The following DISP1 variants were observed in gnomAD, a reference collection of about 807,000 sequenced individuals.
DISP1 encodes the protein dispatched RND transporter family member 1.
Under a neutral mutation model 37.3 loss-of-function variants are expected in DISP1, and 30 were observed. That is an observed-to-expected ratio of 0.80 (90% CI 0.60 to 1.09). The LOEUF (loss-of-function observed/expected upper bound fraction) is 1.09, where lower values mean the gene tolerates loss of function less well. DISP1 is among the 50% of genes least tolerant of loss of function. DISP1 has a pLI of 0.00. For missense variants in DISP1, 1,598 were observed against 1,879.5 expected, an observed-to-expected ratio of 0.85 and a Z score of 2.77; for synonymous variants, 634 against 690.2, an observed-to-expected ratio of 0.92 and a Z score of 1.28.
chr1:222,875,830 TAAAA>T (rs3028391), intron 1 of DISP1, among the ~76,000 whole-genome samples: 11 of 132,406 alleles, frequency 8.3e-5, no homozygotes, highest in Non-Finnish European at 1.1e-4. Flanking sequence ...CACATCTCAA[TAAAA>T]AAAAAAAAAA....
intron 1 of DISP1, among the ~76,000 whole-genome samples, chr1:222,894,517 T>G (rs558222024): frequency 5.1e-4 from 78 of 152,352 alleles, no homozygotes; most frequent in African/African-American, 1.8e-3. Flanking sequence ...GCTTCAACTT[T>G]GCTCCCAAAT....
At chr1:222,976,742 T>C (rs973012737) in intron 3 of DISP1, among the ~76,000 whole-genome samples, 4 of 152,066 alleles carry the variant, frequency 2.6e-5, no homozygotes, top group Non-Finnish European at 5.9e-5. Context: ...AGAGAGAGGG[T>C]TTACATTTGT....
chr1:222,918,258 CAG>C (rs1169644659), intron 1 of DISP1, among the ~76,000 whole-genome samples: 2 of 152,146 alleles, frequency 1.3e-5, no homozygotes, highest in Non-Finnish European at 2.9e-5. Flanking sequence ...ATTTCCCAGT[CAG>C]AGAACTGGTT....
At chr1:222,914,938 GC>G (rs1302628736) in intron 1 of DISP1, among the ~76,000 whole-genome samples, 3 of 152,158 alleles carry the variant, frequency 2.0e-5, no homozygotes, top group African/African-American at 7.2e-5. Flanking sequence ...CTGCAGTCCA[GC>G]TTGGTTGTCA....
intron 1 of DISP1, chr1:222,837,458 A>G (rs1667307114): frequency 6.0e-6 from 1 of 165,862 alleles, no homozygotes; most frequent in Non-Finnish European, 1.3e-5. Context: ...ACACTACCTT[A>G]AAGAGTTGTG....
Position 223,005,230 on chromosome 1 carries a change from A to T in DISP1, c.3833A>T (p.Lys1278Ile), listed in dbSNP as rs779881634. ...AGATGTAGCTGCCCAGATGCCTACA[A>T]ACACTTGAACTATGGCCCACACTCT... ...NQRCSCPDAY[K>I]HLNYGPHSCQ... is the part of the protein sequence containing the mutation. The change falls in exon 9 of 9, where the codon AAA becomes ATA. Residue 1278 changes from lysine (K) to isoleucine (I), a missense_variant. Lys to Ile is a moderately radical substitution (Grantham distance 102, BLOSUM62 -3). Coordinates refer to ENST00000675850, the MANE Select transcript of DISP1 (RefSeq NM_001377229.1). The T allele has an allele frequency of 1.9e-6, 3 of 1,613,990 alleles. No homozygotes were observed. In the African/African-American group the frequency reaches 4.0e-5, roughly 22 times the overall value.
intron 1 of DISP1, among the ~76,000 whole-genome samples, chr1:222,872,733 A>G (rs1286925701): frequency 6.6e-6 from 1 of 152,102 alleles, no homozygotes; most frequent in Admixed American, 6.5e-5. Flanking sequence ...CAGCTCCTGG[A>G]TTCACTGATT....
At chr1:222,949,616 T>C (rs1331107933) in intron 3 of DISP1, among the ~76,000 whole-genome samples, 1 of 152,118 alleles carries the variant, frequency 6.6e-6, no homozygotes, top group African/African-American at 2.4e-5. Flanking sequence ...AATTTTATTT[T>C]ATCTTATTTT....
intron 3 of DISP1, among the ~76,000 whole-genome samples, chr1:222,972,212 T>C (rs1329908978): frequency 6.6e-6 from 1 of 152,132 alleles, no homozygotes; most frequent in Non-Finnish European, 1.5e-5. Flanking sequence ...AATTATTTTC[T>C]TATAATGTCA....
intron 3 of DISP1, among the ~76,000 whole-genome samples, chr1:222,944,915 A>G (rs1572581043): frequency 6.6e-6 from 1 of 152,102 alleles, no homozygotes; most frequent in Non-Finnish European, 1.5e-5. Context: ...GGCTGCGGGG[A>G]TTACAGAATC....
intron 3 of DISP1, 31 bp downstream of exon 3, chr1:222,943,363 T>C (rs1248672777): frequency 6.2e-7 from 1 of 1,614,078 alleles, no homozygotes; most frequent in Non-Finnish European, 8.5e-7. Flanking sequence ...GCTTTTAGCA[T>C]TCAACTAATG....
intron 1 of DISP1, among the ~76,000 whole-genome samples, chr1:222,831,480 A>G (rs1665729597): frequency 1.3e-5 from 2 of 152,192 alleles, no homozygotes; most frequent in South Asian, 4.1e-4. Context: ...CTTATTTCTT[A>G]TAGAATAAGG....
At chr1:222,886,109 T>G (rs1461138413) in intron 1 of DISP1, among the ~76,000 whole-genome samples, 2 of 152,170 alleles carry the variant, frequency 1.3e-5, no homozygotes. Context: ...GACAAGGGGA[T>G]GAGGGAAAAG....
chr1:222,998,196 C>T (rs1420316861), intron 8 of DISP1, among the ~76,000 whole-genome samples: 3 of 151,410 alleles, frequency 2.0e-5, no homozygotes, highest in Non-Finnish European at 2.9e-5. Context: ...TACAGTGGTT[C>T]GAGCAGAGTT....
At chr1:222,927,457 C>G (rs990975532) in intron 1 of DISP1, among the ~76,000 whole-genome samples, 1 of 152,082 alleles carries the variant, frequency 6.6e-6, no homozygotes, top group African/African-American at 2.4e-5. Context: ...ATACTAGACT[C>G]TTAGATATAT....
chr1:222,815,073 C>G lies in DISP1; in HGVS notation c.-164C>G, dbSNP rs948741841. 7 of 152,214 alleles carry G rather than the reference C, an allele frequency of 4.6e-5. No homozygotes were observed. The highest frequency in any genetic ancestry group is 1.4e-4 in the African/African-American group (6 of 41,440). The allele number at this position is 152,214 out of a possible 1,614,324, so 9.4% of individuals were successfully genotyped here. On this transcript the variant is annotated 5_prime_UTR_variant, in exon 1 of 9. Transcript: ENST00000675850. ...CCGGGCCAGCATCCGAGAGCCCGGA[C>G]TGGAGGTGAGTTCGCAGCCGGAACG...
chr1:222,824,330 C>G (rs768228235), intron 1 of DISP1, among the ~76,000 whole-genome samples: 1 of 152,108 alleles, frequency 6.6e-6, no homozygotes, highest in Non-Finnish European at 1.5e-5. Context: ...TACAACAACC[C>G]TTATATAAGG....
intron 1 of DISP1, among the ~76,000 whole-genome samples, chr1:222,847,706 AC>A (rs1400152411): frequency 6.6e-6 from 1 of 151,930 alleles, no homozygotes; most frequent in Non-Finnish European, 1.5e-5. Context: ...AGACACACCA[AC>A]CCCCACCCCC....
At chr1:222,873,096 C>G (rs1669685610) in intron 1 of DISP1, among the ~76,000 whole-genome samples, 1 of 152,102 alleles carries the variant, frequency 6.6e-6, no homozygotes, top group Non-Finnish European at 1.5e-5. Context: ...GAGTGAGTTT[C>G]TTAATCCTGA....
Sources: allele counts gnomAD v4.1 joint callset (sites outside exome capture counted in the v4.1 genomes callset), GRCh38; gene constraint gnomAD v4.1.1; transcripts MANE v1.5; gene names NCBI Gene and HGNC (gene_info 2026-07-23, HGNC 2026-07-21).